KCTD8: variants seen among roughly 807,000 people sequenced by gnomAD.
KCTD8 encodes the protein BTB/POZ domain-containing protein KCTD8.
A neutral mutation model predicts 31.5 loss-of-function variants in KCTD8; 27 were observed. The observed-to-expected ratio is 0.86, with a 90% CI of 0.63 to 1.18. The LOEUF (loss-of-function observed/expected upper bound fraction) is 1.18, where lower values mean the gene tolerates loss of function less well. Ranked by LOEUF, KCTD8 falls within the 50% of genes most tolerant of loss-of-function variation. The probability of loss-of-function intolerance (pLI) is 0.00; values close to 1 mark genes in which losing one functional copy is unlikely to be tolerated. For synonymous variants in KCTD8, 290 were observed against 280.0 expected (o/e 1.04, Z -0.36); for missense variants, 658 against 647.7 (o/e 1.02, Z -0.17).
intron 1 of KCTD8, among the ~76,000 whole-genome samples, chr4:44,384,535 T>A (rs569407038): frequency 6.6e-6 from 1 of 151,978 alleles, no homozygotes; most frequent in African/African-American, 2.4e-5. Flanking sequence ...CACAGAAAGA[T>A]AAATATCACA....
intron 1 of KCTD8, among the ~76,000 whole-genome samples, chr4:44,320,421 T>C (rs992126167): frequency 3.9e-5 from 6 of 152,154 alleles, no homozygotes; most frequent in African/African-American, 1.4e-4. Flanking sequence ...TTTCTTCAAT[T>C]AAAATCTCAT....
intron 1 of KCTD8, among the ~76,000 whole-genome samples, chr4:44,446,093 C>T (rs1721932286): frequency 6.6e-6 from 1 of 152,104 alleles, no homozygotes; most frequent in South Asian, 2.1e-4. Flanking sequence ...CTCAAGAAAT[C>T]CAGCATTACT....
chr4:44,362,775 T>G, intron 1 of KCTD8, among the ~76,000 whole-genome samples: 1 of 151,960 alleles, frequency 6.6e-6, no homozygotes, highest in South Asian at 2.1e-4. Flanking sequence ...GGTAATTTTT[T>G]TTTTTTTTTA....
At chr4:44,183,479 C>T (rs1713488624) in intron 1 of KCTD8, among the ~76,000 whole-genome samples, 1 of 151,992 alleles carries the variant, frequency 6.6e-6, no homozygotes, top group Admixed American at 6.6e-5. Flanking sequence ...TCACAATAGG[C>T]CCAAACTTGT....
intron 1 of KCTD8, among the ~76,000 whole-genome samples, chr4:44,201,870 T>C (rs1449702323): frequency 1.3e-5 from 2 of 151,980 alleles, no homozygotes; most frequent in African/African-American, 2.4e-5. Flanking sequence ...TGGAATAGGA[T>C]AAAATACTCA....
At chr4:44,366,084 T>C (rs1379789697) in intron 1 of KCTD8, among the ~76,000 whole-genome samples, 1 of 152,220 alleles carries the variant, frequency 6.6e-6, no homozygotes. Flanking sequence ...TTTATATGTG[T>C]TTCTCTGTTT....
At chr4:44,331,232 C>A (rs975882449) in intron 1 of KCTD8, among the ~76,000 whole-genome samples, 6 of 151,826 alleles carry the variant, frequency 4.0e-5, no homozygotes, top group African/African-American at 1.4e-4. Flanking sequence ...TTCTAATTGT[C>A]ATGCCCTAAA....
At chr4:44,333,326 AAT>A (rs1181325999) in intron 1 of KCTD8, among the ~76,000 whole-genome samples, 1 of 152,118 alleles carries the variant, frequency 6.6e-6, no homozygotes, top group Admixed American at 6.6e-5. Flanking sequence ...CATGCACTTT[AAT>A]AAGTCGCAAG....
intron 1 of KCTD8, among the ~76,000 whole-genome samples, chr4:44,332,180 T>C (rs2109412968): frequency 6.6e-6 from 1 of 152,052 alleles, no homozygotes; most frequent in Admixed American, 6.6e-5. Context: ...AATTTCAGTG[T>C]TCTTAAGTAT....
rs552164252 is a variant in KCTD8 at position 44,409,253 on chromosome 4, G to C, written c.961+38310C>G. 5.9e-5 allele frequency among the ~76,000 whole-genome samples: 9 copies of C among 151,492 alleles called. No homozygotes were observed. The South Asian group carries it at 1.0e-3, about 18-fold the overall frequency. ...AAAAAAAAAGAGGAAAGAAAGGGAA[G>C]AAAGGAGGAAGGAAGGAAGGGAGGG... On this transcript the variant is annotated intron_variant, in intron 1 of 1. Transcript: ENST00000360029.
intron 1 of KCTD8, among the ~76,000 whole-genome samples, chr4:44,324,070 AAAC>A: frequency 6.6e-6 from 1 of 151,272 alleles, no homozygotes; most frequent in Admixed American, 6.6e-5. Context: ...AAACAAAACA[AAAC>A]AAAAAAAAAA....
intron 1 of KCTD8, among the ~76,000 whole-genome samples, chr4:44,344,835 A>T (rs1718998218): frequency 6.6e-6 from 1 of 152,198 alleles, no homozygotes; most frequent in East Asian, 1.9e-4. Context: ...GCTATGGGCC[A>T]CCATTTGAGA....
At chr4:44,215,755 C>T (rs1305481139) in intron 1 of KCTD8, among the ~76,000 whole-genome samples, 1 of 152,120 alleles carries the variant, frequency 6.6e-6, no homozygotes. Flanking sequence ...TACAAAAATG[C>T]CTTCTGGAAA....
In KCTD8 at chr4:44,412,968, C is replaced by T. The variant is rs550351999; in HGVS notation, c.961+34595G>A. ...CCTTAACATGATCATGTTTCTTTGTCGCTGCAATTTATTTATCAATTCAGG... is the reference window on the plus strand; with the variant it reads ...CCTTAACATGATCATGTTTCTTTGTTGCTGCAATTTATTTATCAATTCAGG... On this transcript the variant is annotated intron_variant, in intron 1 of 1. Coordinates refer to ENST00000360029, the MANE Select transcript of KCTD8 (RefSeq NM_198353.3). Among the ~76,000 whole-genome samples the T allele has an allele frequency of 1.3e-3, 200 of 152,104 alleles. 1 individual carries two copies. In the South Asian group the frequency reaches 0.024, roughly 18 times the overall value.
intron 1 of KCTD8, among the ~76,000 whole-genome samples, chr4:44,408,776 G>A (rs1278489304): frequency 6.6e-6 from 1 of 151,874 alleles, no homozygotes; most frequent in African/African-American, 2.4e-5. Context: ...ATGCCACCAC[G>A]CCCAGCTAAT....
At chr4:44,221,528 G>A (rs1181430662) in intron 1 of KCTD8, among the ~76,000 whole-genome samples, 1 of 152,142 alleles carries the variant, frequency 6.6e-6, no homozygotes, top group Non-Finnish European at 1.5e-5. Flanking sequence ...TGCAAGCTGA[G>A]AAACAAGGAA....
At chr4:44,202,614 T>A (rs1477970672) in intron 1 of KCTD8, among the ~76,000 whole-genome samples, 1 of 151,778 alleles carries the variant, frequency 6.6e-6, no homozygotes, top group East Asian at 1.9e-4. Flanking sequence ...CAATAGACAC[T>A]GGAAACTACT....
intron 1 of KCTD8, among the ~76,000 whole-genome samples, chr4:44,285,522 G>C (rs1223537796): frequency 6.6e-6 from 1 of 152,098 alleles, no homozygotes; most frequent in Non-Finnish European, 1.5e-5. Context: ...CCAAATGTAG[G>C]TGATGGGATG....
At chr4:44,391,204 GA>G (rs1720361754) in intron 1 of KCTD8, among the ~76,000 whole-genome samples, 1 of 151,908 alleles carries the variant, frequency 6.6e-6, no homozygotes, top group East Asian at 1.9e-4. Flanking sequence ...AGGGATAAAA[GA>G]CTACACATTG....
Sources: allele counts gnomAD v4.1 joint callset (sites outside exome capture counted in the v4.1 genomes callset), GRCh38; gene constraint gnomAD v4.1.1; transcripts MANE v1.5; gene names NCBI Gene and HGNC (gene_info 2026-07-23, HGNC 2026-07-21).